The following OR51B5 variants were observed in gnomAD, a reference collection of about 807,000 sequenced individuals.
OR51B5 encodes olfactory receptor 51B5.
For missense variants in OR51B5, 456 were observed against 374.6 expected (o/e 1.22, Z -1.79); for synonymous variants, 186 against 144.8 (o/e 1.28, Z -2.04).
At chr11:5,358,685 A>G (rs189457142) in intron 1 of OR51B5, among the ~76,000 whole-genome samples, 2,084 of 152,034 alleles carry the variant, frequency 0.014, 21 homozygotes, top group Non-Finnish European at 0.02. Flanking sequence ...GCAGAGACAC[A>G]ACAAAAAAAG....
At chr11:5,342,432 G>A, downstream of OR51B5, 1 of 477,510 alleles carries the variant, frequency 2.1e-6, no homozygotes, top group South Asian at 8.9e-5. Flanking sequence ...AAAGAGTTGG[G>A]CTTAAAGAGA....
chr11:5,468,537 A>C (rs1005295566), intron 1 of OR51B5: 6 of 384,420 alleles, frequency 1.6e-5, no homozygotes, highest in Admixed American at 8.7e-5. Context: ...GAATCTCCTT[A>C]GTCTTGATGG....
chr11:5,454,486 GTCA>G (rs897121807), intron 1 of OR51B5: 57 of 1,293,124 alleles, frequency 4.4e-5, no homozygotes, highest in African/African-American at 7.3e-5. Flanking sequence ...CAGTAGCATC[GTCA>G]TCATCATCAT....
chr11:5,483,630 G>T (rs892434624), intron 1 of OR51B5, among the ~76,000 whole-genome samples: 3 of 151,314 alleles, frequency 2.0e-5, no homozygotes, highest in African/African-American at 7.3e-5. Flanking sequence ...AGACAGGCTA[G>T]CTGTTTAATT....
intron 1 of OR51B5, among the ~76,000 whole-genome samples, chr11:5,472,654 G>A (rs1851245401): frequency 6.6e-6 from 1 of 152,140 alleles, no homozygotes; most frequent in Non-Finnish European, 1.5e-5. Flanking sequence ...AGTTTCAAAG[G>A]AATTGAGAAT....
chr11:5,500,274 C>A (rs1032862397), intron 1 of OR51B5, among the ~76,000 whole-genome samples: 4 of 152,206 alleles, frequency 2.6e-5, no homozygotes, highest in African/African-American at 9.7e-5. Context: ...TAATATCTAT[C>A]TCAGACCATA....
intron 1 of OR51B5, chr11:5,488,991 T>G: frequency 6.2e-7 from 1 of 1,614,104 alleles, no homozygotes; most frequent in South Asian, 1.1e-5. Context: ...CTGGTGAGAT[T>G]TCCTTTGGTG....
chr11:5,453,651 C>A (rs765976440), intron 1 of OR51B5: 2 of 1,613,460 alleles, frequency 1.2e-6, no homozygotes, highest in African/African-American at 2.7e-5. Flanking sequence ...GGAGCCCAGC[C>A]TCCATGAGCC....
At chr11:5,405,468 C>A (rs1257796700) in intron 1 of OR51B5, among the ~76,000 whole-genome samples, 4 of 152,070 alleles carry the variant, frequency 2.6e-5, no homozygotes, top group Non-Finnish European at 5.9e-5. Context: ...CTTCTAGACC[C>A]TAGAGATAAA....
chr11:5,389,611 G>A (rs747327036), intron 1 of OR51B5: 1 of 1,613,758 alleles, frequency 6.2e-7, no homozygotes, highest in South Asian at 1.1e-5. Context: ...ACACACCCAT[G>A]TACTATCTAC....
intron 1 of OR51B5, among the ~76,000 whole-genome samples, chr11:5,504,252 A>G (rs317785): frequency 6.6e-6 from 1 of 152,202 alleles, no homozygotes; most frequent in South Asian, 2.1e-4. Flanking sequence ...GGTTTGGATA[A>G]CTTTCTCCTT....
upstream of OR51B5, among the ~76,000 whole-genome samples, chr11:5,347,713 C>A (rs980173310): frequency 6.6e-6 from 1 of 151,896 alleles, no homozygotes; most frequent in African/African-American, 2.4e-5. Flanking sequence ...TGTTCAAAGC[C>A]CAATACCCAC....
chr11:5,494,122 T>C (rs1048591300), intron 1 of OR51B5, among the ~76,000 whole-genome samples: 1 of 152,228 alleles, frequency 6.6e-6, no homozygotes, highest in African/African-American at 2.4e-5. Flanking sequence ...CCAATTCATC[T>C]GAAAATTCCC....
intron 1 of OR51B5, among the ~76,000 whole-genome samples, chr11:5,496,799 A>G (rs1474468011): frequency 6.6e-6 from 1 of 152,242 alleles, no homozygotes; most frequent in Non-Finnish European, 1.5e-5. Flanking sequence ...AGTAGGCTGC[A>G]GTAGACGTAC....
intron 1 of OR51B5, among the ~76,000 whole-genome samples, chr11:5,395,502 G>A (rs543503523): frequency 4.1e-4 from 63 of 152,168 alleles, no homozygotes; most frequent in Non-Finnish European, 7.9e-4. Flanking sequence ...CATATCTCCC[G>A]TGATGTTTTT....
intron 1 of OR51B5, among the ~76,000 whole-genome samples, chr11:5,395,678 C>G (rs1252903328): frequency 2.6e-5 from 4 of 152,130 alleles, no homozygotes; most frequent in African/African-American, 9.7e-5. Context: ...AATCATTTCT[C>G]TCGAAAAGAG....
intron 1 of OR51B5, among the ~76,000 whole-genome samples, chr11:5,375,211 G>T (rs1849506005): frequency 2.0e-5 from 3 of 147,022 alleles, no homozygotes; most frequent in African/African-American, 7.5e-5. Context: ...TTTCAACACA[G>T]AATTTAATAT....
chr11:5,347,955 A>ACTATGGAACTGAAGAATG (rs765829144), upstream of OR51B5, among the ~76,000 whole-genome samples: 2 of 152,196 alleles, frequency 1.3e-5, no homozygotes, highest in Non-Finnish European at 2.9e-5. Context: ...GAGATACATG[A>ACTATGGAACTGAAGAATG]CTATGGAACT....
intron 1 of OR51B5, chr11:5,390,474 T>A (rs115614694): frequency 1.4e-5 from 16 of 1,120,954 alleles, no homozygotes; most frequent in African/African-American, 3.1e-5. Flanking sequence ...CTCTTAAAGA[T>A]TTTTTGCCCC....
Sources: allele counts gnomAD v4.1 joint callset (sites outside exome capture counted in the v4.1 genomes callset), GRCh38; gene constraint gnomAD v4.1.1; transcripts MANE v1.5; gene names NCBI Gene and HGNC (gene_info 2026-07-23, HGNC 2026-07-21).